The following CDH18 variants were observed in gnomAD, a reference collection of about 807,000 sequenced individuals.
The protein encoded by CDH18 is cadherin-18.
In CDH18, 31 loss-of-function variants were observed where a neutral mutation model predicts 67.9. That is an observed-to-expected ratio of 0.46 (90% CI 0.34 to 0.62). CDH18 has a LOEUF of 0.62. Ranked by LOEUF, CDH18 falls within the 20% of genes least tolerant of loss-of-function variation. The pLI is 0.01. For synonymous variants in CDH18, 362 were observed against 347.2 expected (o/e 1.04, Z -0.48); for missense variants, 890 against 975.5 (o/e 0.91, Z 1.17).
intron 1 of CDH18, among the ~76,000 whole-genome samples, chr5:20,496,014 G>A (rs945074512): frequency 6.6e-6 from 1 of 152,022 alleles, no homozygotes; most frequent in Non-Finnish European, 1.5e-5. Context: ...AAACAAAAGA[G>A]ATCCAAGTGT....
At chr5:20,170,523 T>C (rs1736616195) in intron 2 of CDH18, among the ~76,000 whole-genome samples, 1 of 152,060 alleles carries the variant, frequency 6.6e-6, no homozygotes, top group East Asian at 1.9e-4. Context: ...ATGTAAAATA[T>C]ATGTATTTTA....
chr5:19,503,117 A>C lies in CDH18; in HGVS notation c.1513-8T>G, dbSNP rs1240191333. Reference sequence around the variant, plus strand: ...ACTGATGGTATGAATAACCTAAAGAAAAGACAAACTCTAAATCGTAAATTT... The same window carrying C: ...ACTGATGGTATGAATAACCTAAAGACAAGACAAACTCTAAATCGTAAATTT... On this transcript the variant is annotated splice_region_variant and splice_polypyrimidine_tract_variant and intron_variant, in intron 10 of 12. Transcript: ENST00000382275. The C allele has an allele frequency of 7.4e-7, 1 of 1,353,924 alleles. No homozygotes were observed. Among genetic ancestry groups the C allele is most frequent in the Admixed American group, 1.7e-5 (1 of 58,346 alleles). 83.9% of individuals were successfully genotyped at this position (1,353,924 alleles called of 1,614,324 possible).
intron 2 of CDH18, among the ~76,000 whole-genome samples, chr5:20,077,364 C>T (rs978261112): frequency 1.4e-4 from 21 of 152,158 alleles, no homozygotes; most frequent in African/African-American, 4.6e-4. Context: ...GACAAATTGT[C>T]GTGCTATTCA....
chr5:19,806,689 A>G (rs1365710510), intron 3 of CDH18, among the ~76,000 whole-genome samples: 1 of 152,158 alleles, frequency 6.6e-6, no homozygotes, highest in Non-Finnish European at 1.5e-5. Flanking sequence ...TTCAATCATT[A>G]TGTTAAAGTA....
intron 1 of CDH18, among the ~76,000 whole-genome samples, chr5:20,284,154 A>G (rs1746502971): frequency 6.6e-6 from 1 of 151,966 alleles, no homozygotes; most frequent in African/African-American, 2.4e-5. Flanking sequence ...AATGAGTACA[A>G]AAATATAGTT....
intron 5 of CDH18, among the ~76,000 whole-genome samples, chr5:19,641,259 T>G (rs558092813): frequency 6.6e-6 from 1 of 151,816 alleles, no homozygotes; most frequent in African/African-American, 2.4e-5. Flanking sequence ...CCACCAAACA[T>G]TTAAAGAAGG....
intron 1 of CDH18, among the ~76,000 whole-genome samples, chr5:20,408,018 A>G (rs563399347): frequency 6.6e-6 from 1 of 152,164 alleles, no homozygotes; most frequent in Non-Finnish European, 1.5e-5. Context: ...GCAACAAGAA[A>G]AAAGAGACTT....
In CDH18 at chr5:20,524,383, C is replaced by T. The variant is rs534440551; in HGVS notation, c.-580+51079G>A. On this transcript the variant is annotated intron_variant, in intron 1 of 14. Transcript: ENST00000507958. ...TTTTAACATATTTTTCTATTAAAGA[C>T]AATGTTTGTTTAGTCAATTTGTTAT... is the stretch of plus-strand genomic sequence containing the variant. Among the ~76,000 whole-genome samples, 4 of 152,218 alleles carry T rather than the reference C, an allele frequency of 2.6e-5. No homozygotes were observed. In the East Asian group the frequency reaches 5.8e-4, roughly 22 times the overall value.
At chr5:19,808,949 A>T (rs1322372012) in intron 3 of CDH18, among the ~76,000 whole-genome samples, 1 of 152,054 alleles carries the variant, frequency 6.6e-6, no homozygotes, top group African/African-American at 2.4e-5. Flanking sequence ...ATATTTTAGA[A>T]TTTTATCTCT....
chr5:19,788,802 CTTG>C (rs1776071766), intron 3 of CDH18, among the ~76,000 whole-genome samples: 1 of 152,126 alleles, frequency 6.6e-6, no homozygotes, highest in Non-Finnish European at 1.5e-5. Flanking sequence ...GAAATGGTGA[CTTG>C]TTGTTAAAGG....
intron 12 of CDH18, among the ~76,000 whole-genome samples, chr5:19,481,514 C>G (rs1739419735): frequency 6.6e-6 from 1 of 152,130 alleles, no homozygotes; most frequent in Non-Finnish European, 1.5e-5. Context: ...CCTCTTGTCA[C>G]CAGGAGTTCT....
Position 20,334,032 on chromosome 5 carries a change from A to C in CDH18, c.-579-78527T>G, listed in dbSNP as rs191824168. Among the ~76,000 whole-genome samples the C allele has an allele frequency of 1.1e-3, 162 of 152,112 alleles. 2 individuals carry two copies. Among genetic ancestry groups the C allele is most frequent in the African/African-American group, 3.7e-3 (152 of 41,476 alleles). The stretch of plus-strand genomic sequence containing the variant: ...GAATATCTTGAATGCCAAGAGAGGG[A>C]ATGAGTAGAGGAAGAAGAAGGAAAA... On this transcript the variant is annotated intron_variant, in intron 1 of 14. Coordinates refer to the CDH18 transcript ENST00000507958.
At chr5:20,562,741 TGC>T (rs1423239049) in intron 1 of CDH18, among the ~76,000 whole-genome samples, 3 of 151,870 alleles carry the variant, frequency 2.0e-5, no homozygotes, top group Non-Finnish European at 4.4e-5. Flanking sequence ...AAAACATTAT[TGC>T]GTAACTTTCT....
At chr5:19,963,139 G>A (rs1797084088) in intron 2 of CDH18, among the ~76,000 whole-genome samples, 1 of 152,088 alleles carries the variant, frequency 6.6e-6, no homozygotes, top group African/African-American at 2.4e-5. Context: ...TAATGTCTAT[G>A]TACCCATTCA....
chr5:20,005,642 C>T (rs986602282), intron 2 of CDH18, among the ~76,000 whole-genome samples: 1 of 151,468 alleles, frequency 6.6e-6, no homozygotes, highest in African/African-American at 2.4e-5. Context: ...ATATAATTTT[C>T]AAGTTATTTA....
intron 3 of CDH18, among the ~76,000 whole-genome samples, chr5:19,799,149 C>T (rs1467593654): frequency 6.6e-6 from 1 of 151,958 alleles, no homozygotes; most frequent in Non-Finnish European, 1.5e-5. Context: ...GAGCTAGTCA[C>T]AGAAGAGCAA....
At chr5:20,278,826 T>C (rs1746002780) in intron 1 of CDH18, among the ~76,000 whole-genome samples, 1 of 152,104 alleles carries the variant, frequency 6.6e-6, no homozygotes, top group Admixed American at 6.6e-5. Context: ...TTTAAAATAG[T>C]GGGTTATAAG....
chr5:19,974,678 A>G lies in CDH18; in HGVS notation c.-257+6382T>C, dbSNP rs181578370. On this transcript the variant is annotated intron_variant, in intron 2 of 12. Transcript: ENST00000382275. ...AGAAGGAGGTGCAGATATAGCAGGCATTGTCCTTCATTATAATTTGAATAG... is the reference window on the plus strand; with the variant it reads ...AGAAGGAGGTGCAGATATAGCAGGCGTTGTCCTTCATTATAATTTGAATAG... Among the ~76,000 whole-genome samples the G allele has an allele frequency of 2.1e-3, 314 of 152,208 alleles. 2 individuals carry two copies. The highest frequency in any genetic ancestry group is 7.1e-3 in the African/African-American group (293 of 41,530).
intron 1 of CDH18, among the ~76,000 whole-genome samples, chr5:20,354,058 T>A (rs1364478305): frequency 6.6e-6 from 1 of 152,218 alleles, no homozygotes; most frequent in Admixed American, 6.5e-5. Flanking sequence ...ACTACAATTA[T>A]TTTTATTGGA....
Sources: allele counts gnomAD v4.1 joint callset (sites outside exome capture counted in the v4.1 genomes callset), GRCh38; gene constraint gnomAD v4.1.1; transcripts MANE v1.5; gene names NCBI Gene and HGNC (gene_info 2026-07-23, HGNC 2026-07-21).